The following STK10 variants were observed in gnomAD, a reference collection of about 807,000 sequenced individuals.
The protein encoded by STK10 is serine/threonine kinase 10, also known as serine/threonine-protein kinase 10.
In STK10, 78 loss-of-function variants were observed where a neutral mutation model predicts 113.8. That is an observed-to-expected ratio of 0.69 (90% CI 0.57 to 0.83). The LOEUF (loss-of-function observed/expected upper bound fraction) is 0.83. Ranked by LOEUF, STK10 falls within the 40% of genes least tolerant of loss-of-function variation. The pLI, the probability that STK10 is intolerant of heterozygous loss-of-function variation, is 0.00. For missense variants in STK10, 1,109 were observed against 1,280.1 expected (o/e 0.87, Z 2.04); for synonymous variants, 465 against 494.7 (o/e 0.94, Z 0.80).
At chr5:172,144,079 A>C (rs1234704696) in intron 2 of STK10, among the ~76,000 whole-genome samples, 1 of 152,256 alleles carries the variant, frequency 6.6e-6, no homozygotes, top group African/African-American at 2.4e-5. Context: ...TTTGATAAGC[A>C]TTCCTTCACT....
Position 172,043,540 on chromosome 5 carries a change from C to T in STK10, c.*1342G>A, listed in dbSNP as rs1036609540. 2 of 152,138 alleles carry T rather than the reference C, an allele frequency of 1.3e-5. No homozygotes were observed. Among genetic ancestry groups the T allele is most frequent in the African/African-American group, 4.8e-5 (2 of 41,426 alleles). The allele number at this position is 152,138 out of a possible 1,614,324, so 9.4% of individuals were successfully genotyped here. A position where few individuals can be genotyped will look rare whatever the true frequency, so the allele number is the denominator to read the frequency against. On this transcript the variant is annotated 3_prime_UTR_variant, in exon 19 of 19. Transcript: ENST00000176763. Reference sequence around the variant, plus strand: ...AAAAGCAGATATCTTCCTGGAGAAACCATACATTTTATAGTTGTTTCAATA... The same window carrying T: ...AAAAGCAGATATCTTCCTGGAGAAATCATACATTTTATAGTTGTTTCAATA...
intron 15 of STK10, 41 bp downstream of exon 15, chr5:172,057,308 C>G (rs1418130791): frequency 6.4e-7 from 1 of 1,567,430 alleles, no homozygotes; most frequent in African/African-American, 1.3e-5. Flanking sequence ...CCCAGGTCGG[C>G]CCGGCAGCAG....
In STK10 at chr5:172,133,976, C is replaced by T. The variant is rs1195933175; in HGVS notation, c.322-6555G>A. Among the ~76,000 whole-genome samples, 1 of 152,176 alleles carries T rather than the reference C, an allele frequency of 6.6e-6. No individual in the cohort carries two copies. The highest frequency in any genetic ancestry group is 2.4e-5 in the African/African-American group (1 of 41,458). On this transcript the variant is annotated intron_variant, in intron 2 of 18. Coordinates refer to ENST00000176763, the MANE Select transcript of STK10 (RefSeq NM_005990.4). This position sits in a 1 kb window ranked among gnomAD's most constrained non-coding sequence, Gnocchi z 4.9. ...TAAAACAGATCACTGGGTCCCACTC[C>T]AGAGCTTCTGATTCAGTGGGTCTGA...
intron 12 of STK10, among the ~76,000 whole-genome samples, chr5:172,066,719 T>C (rs1209787902): frequency 6.6e-6 from 1 of 152,014 alleles, no homozygotes; most frequent in Non-Finnish European, 1.5e-5. Flanking sequence ...TCAGGCGGCG[T>C]AGGTTGCAGT....
chr5:172,119,153 C>T (rs1461960946), intron 3 of STK10, among the ~76,000 whole-genome samples: 1 of 151,742 alleles, frequency 6.6e-6, no homozygotes, highest in Non-Finnish European at 1.5e-5. Context: ...CAGGGCCCTT[C>T]TTCCCTGAGG....
At chr5:172,046,913 C>G (rs1430810094) in intron 18 of STK10, among the ~76,000 whole-genome samples, 1 of 152,180 alleles carries the variant, frequency 6.6e-6, no homozygotes, top group East Asian at 1.9e-4. Context: ...CATTTTACAG[C>G]CCGAAAAGCC....
At chr5:172,048,757 C>T (rs893296031) in intron 18 of STK10, among the ~76,000 whole-genome samples, 2 of 152,170 alleles carry the variant, frequency 1.3e-5, no homozygotes, top group African/African-American at 4.8e-5. Flanking sequence ...ATGAGTCAGA[C>T]CACCTTGTCC....
intron 2 of STK10, among the ~76,000 whole-genome samples, chr5:172,156,162 G>C (rs888358041): frequency 7.9e-5 from 12 of 152,136 alleles, no homozygotes; most frequent in Non-Finnish European, 1.3e-4. Flanking sequence ...AGCAGTGGCA[G>C]AAGAAGTGCT....
intron 13 of STK10, 24 bp from the exon 14 acceptor site, chr5:172,061,292 C>G (rs1374417745): frequency 3.8e-6 from 6 of 1,596,210 alleles, no homozygotes; most frequent in Non-Finnish European, 4.3e-6. Flanking sequence ...GGAGGACAGG[C>G]CTTTATCCAG....
chr5:172,093,246 T>A lies in STK10; in HGVS notation c.1554+166A>T, dbSNP rs577868465. The stretch of plus-strand genomic sequence containing the variant: ...CTGCTTTACATTCCTAAATCCCATA[T>A]TGAACCCAGATATTTTGGAGATTAA... On this transcript the variant is annotated intron_variant, in intron 9 of 18. Transcript: ENST00000176763. This position sits in a 1 kb window ranked among gnomAD's most constrained non-coding sequence, Gnocchi z 4.1. Among the ~76,000 whole-genome samples the A allele has an allele frequency of 6.6e-6, 1 of 152,326 alleles. No homozygotes were observed. Among genetic ancestry groups the A allele is most frequent in the African/African-American group, 2.4e-5 (1 of 41,574 alleles).
chr5:172,070,371 AAAC>A (rs1455625605), intron 12 of STK10, among the ~76,000 whole-genome samples: 1 of 151,858 alleles, frequency 6.6e-6, no homozygotes, highest in Non-Finnish European at 1.5e-5. Context: ...TTTTAAAATT[AAAC>A]AACAAGCTTT....
At chr5:172,069,069 C>T (rs1213197251) in intron 12 of STK10, among the ~76,000 whole-genome samples, 1 of 151,854 alleles carries the variant, frequency 6.6e-6, no homozygotes, top group Non-Finnish European at 1.5e-5. Flanking sequence ...CACACACACA[C>T]ACATAAAATA....
intron 1 of STK10, among the ~76,000 whole-genome samples, chr5:172,177,119 G>A (rs1770774035): frequency 6.6e-6 from 1 of 151,886 alleles, no homozygotes; most frequent in Non-Finnish European, 1.5e-5. Context: ...CATGCCGCCA[G>A]TGAGCCGCGA....
chr5:172,139,602 G>A (rs1769934177), intron 2 of STK10, among the ~76,000 whole-genome samples: 1 of 152,020 alleles, frequency 6.6e-6, no homozygotes, highest in Non-Finnish European at 1.5e-5. Context: ...AATAAGGAAG[G>A]AACAGTCTTT....
chr5:172,175,688 C>A (rs1460639718), intron 1 of STK10, among the ~76,000 whole-genome samples: 1 of 152,210 alleles, frequency 6.6e-6, no homozygotes, highest in East Asian at 1.9e-4. Flanking sequence ...GGCACAGAGA[C>A]CACAAGGCCA....
In STK10 at chr5:172,183,275, G is replaced by A. The variant is rs1037688871; in HGVS notation, c.156+4612C>T. 5.3e-5 allele frequency among the ~76,000 whole-genome samples: 8 copies of A among 152,076 alleles called. No individual in the cohort carries two copies. In the East Asian group the frequency reaches 1.5e-3, roughly 29 times the overall value. The stretch of plus-strand genomic sequence containing the variant: ...AACCCAACTCCTTTCATTTCTCCAT[G>A]CTCCCTGTCCACATTGTGTGCATGA... On this transcript the variant is annotated intron_variant, in intron 1 of 18. Transcript: ENST00000176763.
intron 2 of STK10, among the ~76,000 whole-genome samples, chr5:172,131,053 T>TG (rs1304203281): frequency 6.7e-6 from 1 of 148,650 alleles, no homozygotes; most frequent in Non-Finnish European, 1.5e-5. Flanking sequence ...TTTTTTTTTT[T>TG]GACAGAGTCT....
At chr5:172,071,806 A>G (rs1340665873) in intron 12 of STK10, among the ~76,000 whole-genome samples, 1 of 152,118 alleles carries the variant, frequency 6.6e-6, no homozygotes, top group Non-Finnish European at 1.5e-5. Flanking sequence ...TCTATTCTAT[A>G]CCTAACTTTC....
intron 3 of STK10, 112 bp from the exon 4 acceptor site, chr5:172,117,742 T>C: frequency 2.7e-6 from 4 of 1,455,716 alleles, no homozygotes; most frequent in East Asian, 2.3e-5. Context: ...AGGCCAGGCG[T>C]GGTGGCTCAC....
Sources: allele counts gnomAD v4.1 joint callset (sites outside exome capture counted in the v4.1 genomes callset), GRCh38; gene constraint gnomAD v4.1.1; non-coding constraint Gnocchi (gnomAD v3.1); transcripts MANE v1.5; gene names NCBI Gene and HGNC (gene_info 2026-07-23, HGNC 2026-07-21).